NOM1: variants seen among roughly 807,000 people sequenced by gnomAD.
NOM1 encodes nucleolar MIF4G domain-containing protein 1.
Under a neutral mutation model 73.3 loss-of-function variants are expected in NOM1, and 58 were observed. That is an observed-to-expected ratio of 0.79 (90% CI 0.64 to 0.99). The LOEUF (loss-of-function observed/expected upper bound fraction) is 0.99. Among genes scored for constraint, NOM1 ranks in the 50% least tolerant of loss-of-function variants. The pLI, the probability that NOM1 is intolerant of heterozygous loss-of-function variation, is 0.00. For synonymous variants in NOM1, 487 were observed against 446.8 expected (o/e 1.09, Z -1.14); for missense variants, 1,226 against 1,131.9 (o/e 1.08, Z -1.19).
chr7:156,950,619 A>C lies in NOM1; in HGVS notation c.882A>C (p.Glu294Asp). 1.3e-6 allele frequency: 2 copies of C among 1,564,450 alleles called. No individual in the cohort carries two copies. Among genetic ancestry groups the C allele is most frequent in the Non-Finnish European group, 1.7e-6 (2 of 1,153,974 alleles). The change falls in exon 1 of 11, where the codon GAA (glutamate) becomes GAC (aspartate). Residue 294 changes from glutamate to aspartate, a missense_variant. Coordinates refer to ENST00000275820, the MANE Select transcript of NOM1 (RefSeq NM_138400.2). ...DEDTEEEQGE[E>D]KEKGAQEKRR... Reference sequence around the variant, plus strand: ...ATACAGAAGAGGAACAGGGGGAAGAAAAGGAAAAGGGAGCGCAGGAGAAAA... The same window carrying C: ...ATACAGAAGAGGAACAGGGGGAAGACAAGGAAAAGGGAGCGCAGGAGAAAA...
chr7:156,958,149 G>A (rs887613), intron 3 of NOM1, among the ~76,000 whole-genome samples: 79,652 of 151,058 alleles, frequency 0.53, 21,137 homozygotes, highest in Middle Eastern at 0.66. Flanking sequence ...AAGACTGTCT[G>A]GTGGATCTCA....
chr7:156,964,705 T>A (rs1804953163), intron 7 of NOM1, among the ~76,000 whole-genome samples: 1 of 152,230 alleles, frequency 6.6e-6, no homozygotes, highest in African/African-American at 2.4e-5. Flanking sequence ...GAGAACATGG[T>A]TCCTTTTAGG....
At chr7:156,963,721 C>T (rs1476947376) in intron 6 of NOM1, 184 bp from the exon 7 acceptor site, 7 of 536,046 alleles carry the variant, frequency 1.3e-5, no homozygotes, top group Admixed American at 7.1e-5. Flanking sequence ...TCTCCCCCAG[C>T]GGCTGTGGCT....
chr7:156,958,612 A>G (rs1423953031), intron 3 of NOM1: 1 of 152,204 alleles, frequency 6.6e-6, no homozygotes, highest in Non-Finnish European at 1.5e-5. Flanking sequence ...ACAGTGAAAA[A>G]ACAGGGTTCC....
At chr7:156,957,794 A>AG (rs1381096940) in intron 3 of NOM1, among the ~76,000 whole-genome samples, 1 of 151,736 alleles carries the variant, frequency 6.6e-6, no homozygotes, top group Non-Finnish European at 1.5e-5. Context: ...AAAAAAAAAA[A>AG]AAAAAAGAAA....
chr7:156,961,343 C>G (rs1009031101), intron 4 of NOM1, among the ~76,000 whole-genome samples: 1 of 152,144 alleles, frequency 6.6e-6, no homozygotes, highest in Admixed American at 6.5e-5. Context: ...GACGGCGGTC[C>G]TGACTGGCTT....
intron 7 of NOM1, 138 bp downstream of exon 7, chr7:156,964,164 C>T (rs914030872): frequency 5.0e-5 from 40 of 801,378 alleles, no homozygotes; most frequent in Admixed American, 1.1e-4. Flanking sequence ...CATCCGCTCA[C>T]GCTGTTGGAT....
Position 156,950,258 on chromosome 7 carries a change from C to G in NOM1, c.521C>G (p.Ala174Gly). The G allele has an allele frequency of 6.2e-7, 1 of 1,613,708 alleles. No individual in the cohort carries two copies. Among genetic ancestry groups the G allele is most frequent in the Admixed American group, 1.7e-5 (1 of 60,024 alleles). The change falls in exon 1 of 11, where the codon GCG (alanine) becomes GGG (glycine). Residue 174 changes from alanine to glycine, a missense_variant. Physicochemically the swap from Ala to Gly is moderately conservative, Grantham distance 60. Transcript: ENST00000275820. ...AAATAAARKR[A>G]LLAANEEEDR... ...GCCACCGCCGCTGCCCGGAAACGGGCGCTTTTAGCGGCGAACGAGGAGGAG... is the reference window on the plus strand; with the variant it reads ...GCCACCGCCGCTGCCCGGAAACGGGGGCTTTTAGCGGCGAACGAGGAGGAG...
intron 2 of NOM1, among the ~76,000 whole-genome samples, chr7:156,953,516 C>T (rs1004754234): frequency 1.3e-5 from 2 of 152,186 alleles, no homozygotes; most frequent in Non-Finnish European, 2.9e-5. Flanking sequence ...GCTGCCCCTC[C>T]ATGGCCTCAC....
Position 156,950,046 on chromosome 7 carries a change from C to T in NOM1, c.309C>T (p.Gly103=), listed in dbSNP as rs759850614. 6.5e-7 allele frequency: 1 copy of T among 1,542,896 alleles called. No individual in the cohort carries two copies. The highest frequency in any genetic ancestry group is 8.7e-7 in the Non-Finnish European group (1 of 1,146,852). The change falls in exon 1 of 11, where the codon GGC becomes GGT. Residue 103 remains glycine, a synonymous_variant. Transcript: ENST00000275820. The part of the protein sequence containing the change: ...RKARRLQRTA[G]PEQGPGLGGR... The stretch of plus-strand genomic sequence containing the variant: ...CACGCCGGCTGCAGAGGACGGCGGG[C>T]CCCGAACAGGGTCCCGGCCTGGGAG...
At chr7:156,963,241 T>G in intron 6 of NOM1, 66 bp downstream of exon 6, 1 of 1,547,602 alleles carries the variant, frequency 6.5e-7, no homozygotes, top group East Asian at 2.3e-5. Context: ...TGGTCCTGGC[T>G]TTACCTGGAG....
chr7:156,969,876 C>T lies in NOM1; in HGVS notation c.*173C>T. The T allele has an allele frequency of 1.7e-6, 1 of 573,916 alleles. No homozygotes were observed. The highest frequency in any genetic ancestry group is 2.7e-6 in the Non-Finnish European group (1 of 364,926). 35.6% of individuals were successfully genotyped at this position (573,916 alleles called of 1,614,324 possible). ...AAGGTTTTATTGTTTGTATTTCAAG[C>T]CATTTTCAAATAACTATCTTGGGGG... On this transcript the variant is annotated 3_prime_UTR_variant, in exon 11 of 11. Transcript: ENST00000275820.
At chr7:156,957,513 C>G (rs1276869093) in intron 3 of NOM1, among the ~76,000 whole-genome samples, 2 of 152,114 alleles carry the variant, frequency 1.3e-5, no homozygotes, top group African/African-American at 4.8e-5. Context: ...TGGTGGCTCA[C>G]GCCTGTAATC....
rs1805144429 is a variant in NOM1, at chr7:156,971,697, C to T, written c.*1994C>T. On this transcript the variant is annotated 3_prime_UTR_variant, in exon 11 of 11. Coordinates refer to ENST00000275820, the MANE Select transcript of NOM1 (RefSeq NM_138400.2). Reference sequence around the variant, plus strand: ...GTGTTTGGAAATCGTGATGTGAAGTCATCAGTATCTGTGCATATCCCTAAA... The same window carrying T: ...GTGTTTGGAAATCGTGATGTGAAGTTATCAGTATCTGTGCATATCCCTAAA... The T allele has an allele frequency of 1.3e-5, 2 of 152,234 alleles. No homozygotes were observed. Among genetic ancestry groups the T allele is most frequent in the South Asian group, 4.1e-4 (2 of 4,836 alleles). 9.4% of individuals were successfully genotyped at this position (152,234 alleles called of 1,614,324 possible). A position where few individuals can be genotyped will look rare whatever the true frequency, so the allele number is the denominator to read the frequency against.
chr7:156,968,630 T>G (rs1232908288), intron 9 of NOM1: 2 of 150,986 alleles, frequency 1.3e-5, no homozygotes, highest in Non-Finnish European at 2.9e-5. Context: ...TATTTCTGAT[T>G]TTTTGATAGT....
chr7:156,961,901 G>A (rs1255996886), intron 4 of NOM1, among the ~76,000 whole-genome samples: 1 of 151,282 alleles, frequency 6.6e-6, no homozygotes, highest in African/African-American at 2.4e-5. Context: ...GAGCAGAAGG[G>A]AAAAGAGATC....
intron 3 of NOM1, among the ~76,000 whole-genome samples, chr7:156,957,730 G>A (rs1468830908): frequency 2.4e-5 from 2 of 83,522 alleles, no homozygotes; most frequent in African/African-American, 4.8e-5. Flanking sequence ...AGCCGAGATC[G>A]CACCACTGCA....
intron 5 of NOM1, 98 bp downstream of exon 5, chr7:156,962,359 G>A: frequency 2.1e-6 from 2 of 964,554 alleles, no homozygotes; most frequent in Non-Finnish European, 3.3e-6. Flanking sequence ...GCACGTCAGG[G>A]TGGTGTCTGG....
rs1363874077 is a variant in NOM1, at chr7:156,949,917, G to A, written c.180G>A (p.Glu60=). The A allele has an allele frequency of 6.3e-5, 97 of 1,540,980 alleles. 1 individual carries two copies. The highest frequency in any genetic ancestry group is 1.6e-4 in the African/African-American group (12 of 72,978). ...TCGTGCACGCGACTTCGGAAGGCGAGGCTCCCGGGGGTTGCGAGGGGCGCG... is the reference window on the plus strand; with the variant it reads ...TCGTGCACGCGACTTCGGAAGGCGAAGCTCCCGGGGGTTGCGAGGGGCGCG... The part of the protein sequence containing the change: ...EEFVHATSEG[E]APGGCEGRGA... Residue 60 remains glutamate (E), a synonymous_variant, in exon 1 of 11, where the codon GAG becomes GAA. Transcript: ENST00000275820.
Sources: allele counts gnomAD v4.1 joint callset (sites outside exome capture counted in the v4.1 genomes callset), GRCh38; gene constraint gnomAD v4.1.1; transcripts MANE v1.5; gene names NCBI Gene and HGNC (gene_info 2026-07-23, HGNC 2026-07-21).